The following SLC5A4 variants were observed in gnomAD, a reference collection of about 807,000 sequenced individuals.
SLC5A4 encodes solute carrier family 5 member 4.
SLC5A4 carries 55 observed loss-of-function variants against 70.3 expected under a neutral mutation model. That is an observed-to-expected ratio of 0.78 (90% CI 0.63 to 0.98). SLC5A4 has a LOEUF of 0.98. Among genes scored for constraint, SLC5A4 ranks in the 50% least tolerant of loss-of-function variants. The pLI is 0.00. For missense variants in SLC5A4, 735 were observed against 839.2 expected, an observed-to-expected ratio of 0.88 and a Z score of 1.53; for synonymous variants, 268 against 305.7, an observed-to-expected ratio of 0.88 and a Z score of 1.29.
At chr22:32,262,418 T>G in the SLC5A4 span, among the ~76,000 whole-genome samples, 1 of 152,186 alleles carries the variant, frequency 6.6e-6, no homozygotes, top group South Asian at 2.1e-4. Context: ...GGGGCCTCAC[T>G]GTGCAAACTG....
At chr22:32,280,352 G>T in the SLC5A4 span, among the ~76,000 whole-genome samples, 1 of 152,082 alleles carries the variant, frequency 6.6e-6, no homozygotes, top group South Asian at 2.1e-4. Context: ...CTCTTCCCCA[G>T]TGAGAATGTC....
At chr22:32,347,513 T>A in the SLC5A4 span, among the ~76,000 whole-genome samples, 1 of 152,014 alleles carries the variant, frequency 6.6e-6, no homozygotes, top group Non-Finnish European at 1.5e-5. Context: ...CACCATGGAA[T>A]ACTATGCAGC....
At chr22:32,225,024 A>T (rs1348331462) in intron 12 of SLC5A4, among the ~76,000 whole-genome samples, 1 of 152,188 alleles carries the variant, frequency 6.6e-6, no homozygotes, top group African/African-American at 2.4e-5. Flanking sequence ...TCTAAGCCTG[A>T]ATACCAAGAT....
chr22:32,309,784 A>C, the SLC5A4 span, among the ~76,000 whole-genome samples: 14 of 151,922 alleles, frequency 9.2e-5, no homozygotes, highest in Admixed American at 4.6e-4. Flanking sequence ...GACAGATAAG[A>C]AGCAGAGGCT....
At chr22:32,305,747 C>T in the SLC5A4 span, among the ~76,000 whole-genome samples, 1 of 151,252 alleles carries the variant, frequency 6.6e-6, no homozygotes, top group Non-Finnish European at 1.5e-5. Context: ...ACTCTGTCCC[C>T]TTGCCTACGA....
At chr22:32,308,520 G>A in the SLC5A4 span, among the ~76,000 whole-genome samples, 3 of 152,240 alleles carry the variant, frequency 2.0e-5, no homozygotes, top group Non-Finnish European at 4.4e-5. Context: ...ATGACCTGAA[G>A]AGAGCTTTTG....
chr22:32,253,120 A>C (rs1927269821), intron 2 of SLC5A4, among the ~76,000 whole-genome samples: 3 of 151,942 alleles, frequency 2.0e-5, no homozygotes, highest in South Asian at 4.2e-4. Flanking sequence ...TGCTTCAGTC[A>C]CCCCAGCCAG....
intron 3 of SLC5A4, among the ~76,000 whole-genome samples, chr22:32,251,368 C>G (rs913145510): frequency 1.3e-5 from 2 of 152,042 alleles, no homozygotes; most frequent in African/African-American, 4.8e-5. Flanking sequence ...CCCTCATAAA[C>G]AGATGGATCC....
At chr22:32,251,510 C>CCTCT (rs113394070) in intron 3 of SLC5A4, among the ~76,000 whole-genome samples, 334 of 146,044 alleles carry the variant, frequency 2.3e-3, no homozygotes, top group African/African-American at 6.4e-3. Flanking sequence ...ATCCTCCATC[C>CCTCT]CTCTCTCTCT....
chr22:32,305,810 G>T, the SLC5A4 span, among the ~76,000 whole-genome samples: 1 of 151,752 alleles, frequency 6.6e-6, no homozygotes, highest in Non-Finnish European at 1.5e-5. Flanking sequence ...CTGAAGGCAT[G>T]CCGTCTGCAG....
Position 32,255,272 on chromosome 22 carries a change from A to G in SLC5A4, c.58T>C (p.Ser20Pro), listed in dbSNP as rs758198130. 1 of 1,614,162 alleles carries G rather than the reference A, an allele frequency of 6.2e-7. No homozygotes were observed. The change falls in exon 1 of 15, where the codon TCT becomes CCT. Residue 20 changes from serine to proline, a missense_variant. Physicochemically the swap from Ser to Pro is moderately conservative, Grantham distance 74. Coordinates refer to ENST00000266086, the MANE Select transcript of SLC5A4 (RefSeq NM_014227.3). ...TCAGCAGCATTTCGGATGTGGTCAG[A>G]CAATGGAGGTGGCTCTGGGGTCTCA... ...IAETPEPPPL[S>P]DHIRNAADIS...
At chr22:32,339,089 C>T in the SLC5A4 span, among the ~76,000 whole-genome samples, 1 of 152,118 alleles carries the variant, frequency 6.6e-6, no homozygotes, top group Non-Finnish European at 1.5e-5. Flanking sequence ...CAGGTAAAAT[C>T]GCAGGGTCAT....
At chr22:32,226,090 T>A (rs1372575412) in intron 11 of SLC5A4, among the ~76,000 whole-genome samples, 1 of 152,228 alleles carries the variant, frequency 6.6e-6, no homozygotes, top group African/African-American at 2.4e-5. Flanking sequence ...ATATCAGTGA[T>A]TAATAACTCC....
the SLC5A4 span, among the ~76,000 whole-genome samples, chr22:32,350,353 A>G: frequency 2.0e-5 from 3 of 152,202 alleles, no homozygotes; most frequent in Admixed American, 2.0e-4. Flanking sequence ...ATCCTGTAAA[A>G]GTCTGCTAAC....
intron 10 of SLC5A4, among the ~76,000 whole-genome samples, chr22:32,230,109 C>T (rs893074101): frequency 1.3e-5 from 2 of 152,106 alleles, no homozygotes; most frequent in African/African-American, 2.4e-5. Context: ...CCCTAAGCCT[C>T]CTAGGACAGA....
the SLC5A4 span, among the ~76,000 whole-genome samples, chr22:32,289,095 T>C: frequency 1.3e-5 from 2 of 152,288 alleles, no homozygotes; most frequent in East Asian, 3.9e-4. Flanking sequence ...AAGATTTTTC[T>C]GTAATTTTTT....
intron 3 of SLC5A4, among the ~76,000 whole-genome samples, chr22:32,249,095 C>T (rs1360691561): frequency 6.6e-6 from 1 of 152,124 alleles, no homozygotes; most frequent in African/African-American, 2.4e-5. Context: ...GGGAATTTTT[C>T]TTGAATTGCA....
chr22:32,323,875 C>T, the SLC5A4 span, among the ~76,000 whole-genome samples: 2 of 152,326 alleles, frequency 1.3e-5, no homozygotes, highest in Middle Eastern at 3.4e-3. Context: ...TGCCCCTCCT[C>T]ACTCCTTTTT....
chr22:32,291,057 G>C, the SLC5A4 span, among the ~76,000 whole-genome samples: 3 of 151,992 alleles, frequency 2.0e-5, no homozygotes, highest in Non-Finnish European at 2.9e-5. Context: ...TTCATCATAT[G>C]AGTTTTGCCA....
Sources: gnomAD v4.1 joint callset for allele counts (sites outside exome capture counted in the v4.1 genomes callset) on GRCh38, gnomAD v4.1.1 for gene constraint, MANE v1.5 for transcripts, NCBI Gene and HGNC (gene_info 2026-07-23, HGNC 2026-07-21) for gene names.